SLC2A13: variants seen among roughly 807,000 people sequenced by gnomAD.
The protein encoded by SLC2A13 is solute carrier family 2 member 13.
SLC2A13 carries 32 observed loss-of-function variants against 64.4 expected under a neutral mutation model. That is an observed-to-expected ratio of 0.50 (90% confidence interval 0.37 to 0.67). The LOEUF is 0.67. Among genes scored for constraint, SLC2A13 ranks in the 30% least tolerant of loss-of-function variants. The probability of loss-of-function intolerance (pLI) is 0.00; values close to 1 mark genes in which losing one functional copy is unlikely to be tolerated. For synonymous variants in SLC2A13, 338 were observed against 327.1 expected (o/e 1.03, Z -0.36); for missense variants, 743 against 829.2 (o/e 0.90, Z 1.28).
At chr12:39,775,813 C>A (rs778485837) in intron 7 of SLC2A13, among the ~76,000 whole-genome samples, 2 of 152,084 alleles carry the variant, frequency 1.3e-5, no homozygotes, top group Non-Finnish European at 2.9e-5. Flanking sequence ...GTTGTGTATC[C>A]CTTATTCAAA....
intron 1 of SLC2A13, among the ~76,000 whole-genome samples, chr12:40,101,687 A>G (rs1345615682): frequency 1.3e-5 from 2 of 152,194 alleles, no homozygotes; most frequent in Non-Finnish European, 2.9e-5. Flanking sequence ...AAAACATTCC[A>G]GTCTCATGAC....
At chr12:40,002,795 C>A (rs1483304184) in intron 3 of SLC2A13, among the ~76,000 whole-genome samples, 1 of 151,420 alleles carries the variant, frequency 6.6e-6, no homozygotes. Flanking sequence ...AAATGCCTAG[C>A]ATGTATGGGG....
intron 7 of SLC2A13, chr12:39,829,717 G>A (rs539099503): frequency 1.2e-5 from 3 of 242,380 alleles, no homozygotes; most frequent in South Asian, 1.1e-4. Flanking sequence ...CCAACCTAAC[G>A]TGATAGTAAT....
At chr12:39,832,360 C>G (rs1334005428) in intron 6 of SLC2A13, among the ~76,000 whole-genome samples, 1 of 152,142 alleles carries the variant, frequency 6.6e-6, no homozygotes, top group Non-Finnish European at 1.5e-5. Flanking sequence ...GGTCAACTCA[C>G]TCATTTGCAG....
At chr12:39,889,892 T>C (rs538777711) in intron 4 of SLC2A13, among the ~76,000 whole-genome samples, 1 of 152,284 alleles carries the variant, frequency 6.6e-6, no homozygotes, top group East Asian at 1.9e-4. Context: ...TTTACAAAAC[T>C]CTCTATAATC....
chr12:39,848,397 C>A (rs1029631727), intron 6 of SLC2A13, among the ~76,000 whole-genome samples: 18 of 152,068 alleles, frequency 1.2e-4, no homozygotes, highest in Non-Finnish European at 2.5e-4. Flanking sequence ...AGATGACATA[C>A]GTGCAGCCAA....
intron 7 of SLC2A13, among the ~76,000 whole-genome samples, chr12:39,821,719 C>T (rs1459335817): frequency 1.3e-5 from 2 of 152,148 alleles, no homozygotes; most frequent in African/African-American, 2.4e-5. Flanking sequence ...TGCCTTAAAG[C>T]TTTGGCTCAG....
intron 2 of SLC2A13, among the ~76,000 whole-genome samples, chr12:40,032,607 T>A (rs1183879971): frequency 6.6e-6 from 1 of 152,168 alleles, no homozygotes; most frequent in Non-Finnish European, 1.5e-5. Flanking sequence ...GAATGGTGGA[T>A]CCTGCATTCC....
Position 39,896,376 on chromosome 12 carries a change from ATATG to A in SLC2A13, c.1035-24419_1035-24416del, listed in dbSNP as rs1428953914. Reference sequence around the variant, plus strand: ...TGTATATGTGTATATATGTATACATATATGTATGTATATGTGTATATATGTATAC... The same window carrying A: ...TGTATATGTGTATATATGTATACATATATGTATATGTGTATATATGTATAC... On this transcript the variant is annotated intron_variant, in intron 4 of 9. Coordinates refer to ENST00000280871, the MANE Select transcript of SLC2A13 (RefSeq NM_052885.4). 3.5e-4 allele frequency among the ~76,000 whole-genome samples: 46 copies of A among 132,794 alleles called. 3 individuals are homozygous for A. The highest frequency in any genetic ancestry group is 1.1e-3 in the African/African-American group (41 of 35,832). The allele number at this position is 132,794 out of a possible 152,430, so 87.1% of individuals were successfully genotyped here. A position where few individuals can be genotyped will look rare whatever the true frequency, so the allele number is the denominator to read the frequency against.
At chr12:39,989,267 T>C (rs1228948359) in intron 3 of SLC2A13, among the ~76,000 whole-genome samples, 29 of 152,218 alleles carry the variant, frequency 1.9e-4, no homozygotes, top group Admixed American at 1.8e-3. Flanking sequence ...TTTGAATACA[T>C]GCCACCTCTC....
intron 6 of SLC2A13, among the ~76,000 whole-genome samples, chr12:39,858,942 T>C (rs907374192): frequency 2.4e-4 from 36 of 152,306 alleles, no homozygotes; most frequent in African/African-American, 8.4e-4. Context: ...AAAAGTTTTA[T>C]GATCGAATCT....
intron 1 of SLC2A13, among the ~76,000 whole-genome samples, chr12:40,055,288 G>A (rs1413423585): frequency 1.3e-5 from 2 of 152,164 alleles, no homozygotes; most frequent in South Asian, 2.1e-4. Flanking sequence ...AACTAGCAAC[G>A]TCAATGGTCT....
At chr12:39,881,303 A>G (rs1409980008) in intron 4 of SLC2A13, among the ~76,000 whole-genome samples, 1 of 152,106 alleles carries the variant, frequency 6.6e-6, no homozygotes, top group Non-Finnish European at 1.5e-5. Context: ...GAATTCATAG[A>G]TGACAATATG....
At chr12:39,854,505 A>G (rs1405756374) in intron 6 of SLC2A13, among the ~76,000 whole-genome samples, 3 of 152,114 alleles carry the variant, frequency 2.0e-5, no homozygotes, top group South Asian at 2.1e-4. Flanking sequence ...TGCCTTTAAC[A>G]TTTATTTGTA....
chr12:39,764,534 G>A lies in SLC2A13; in HGVS notation c.1646C>T (p.Ser549Phe). ...WARSTGNACS[S>F]GINWIFNVLV... ...GACATTGAAAATCCAGTTTATTCCAGATGAACATGCATTTCCTGTACTTCT... is the reference window on the plus strand; with the variant it reads ...GACATTGAAAATCCAGTTTATTCCAAATGAACATGCATTTCCTGTACTTCT... The change falls in exon 9 of 10, where the codon TCT (serine) becomes TTT (phenylalanine). Residue 549 changes from serine (S) to phenylalanine (F), a missense_variant. By Grantham distance (155) the Ser-to-Phe change is radical (BLOSUM62 -2). Coordinates refer to ENST00000280871, the MANE Select transcript of SLC2A13 (RefSeq NM_052885.4). 6.2e-7 allele frequency: 1 copy of A among 1,612,334 alleles called. No homozygotes were observed. Among genetic ancestry groups the A allele is most frequent in the Non-Finnish European group, 8.5e-7 (1 of 1,179,260 alleles).
At chr12:39,993,319 G>A (rs1480687163) in intron 3 of SLC2A13, among the ~76,000 whole-genome samples, 2 of 152,030 alleles carry the variant, frequency 1.3e-5, no homozygotes, top group African/African-American at 4.8e-5. Flanking sequence ...AATCTTTTAT[G>A]GCAATCCTAT....
At chr12:39,773,014 T>G (rs1182935400) in intron 7 of SLC2A13, among the ~76,000 whole-genome samples, 1 of 152,114 alleles carries the variant, frequency 6.6e-6, no homozygotes, top group Non-Finnish European at 1.5e-5. Context: ...AAATACCAAC[T>G]AAAAAATAAA....
chr12:39,951,458 A>C, intron 3 of SLC2A13, 93 bp from the exon 4 acceptor site: 1 of 939,116 alleles, frequency 1.1e-6, no homozygotes, highest in African/African-American at 1.7e-5. Context: ...CTAAATCTTC[A>C]TGAAATCAAC....
chr12:39,785,458 C>A (rs1185200661), intron 7 of SLC2A13, among the ~76,000 whole-genome samples: 1 of 152,156 alleles, frequency 6.6e-6, no homozygotes, highest in Admixed American at 6.5e-5. Context: ...GCCTGGATGC[C>A]CAGGCAAAAG....
Sources: allele counts gnomAD v4.1 joint callset (sites outside exome capture counted in the v4.1 genomes callset), GRCh38; gene constraint gnomAD v4.1.1; transcripts MANE v1.5; gene names NCBI Gene and HGNC (gene_info 2026-07-23, HGNC 2026-07-21).